CCDC85C: variants seen among roughly 807,000 people sequenced by gnomAD.
CCDC85C encodes coiled-coil domain containing 85C.
In CCDC85C, 18 loss-of-function variants were observed where a neutral mutation model predicts 38.3. That is an observed-to-expected ratio of 0.47 (90% CI 0.33 to 0.70). The LOEUF (loss-of-function observed/expected upper bound fraction) is 0.70, where lower values mean the gene tolerates loss of function less well. CCDC85C is among the 30% of genes least tolerant of loss of function. The pLI, the probability that CCDC85C is intolerant of heterozygous loss-of-function variation, is 0.03. For missense variants in CCDC85C, 566 were observed against 621.2 expected (o/e 0.91, Z 0.94); for synonymous variants, 264 against 293.8 (o/e 0.90, Z 1.04).
At position 99,535,530 on chromosome 14, in the gene CCDC85C, G is replaced by A. The variant is rs1013007646; in HGVS notation, c.867+485C>T. 8.6e-5 allele frequency among the ~76,000 whole-genome samples: 13 copies of A among 151,714 alleles called. No homozygotes were observed. Among genetic ancestry groups the A allele is most frequent in the South Asian group, 2.1e-4 (1 of 4,776 alleles). ...CCCCCCTACAGCCAACCCCTCCCAC[G>A]CCGTGCCCCTGCTGCCCAGCTCTGC... On this transcript the variant is annotated intron_variant, in intron 2 of 5. Transcript: ENST00000380243. The surrounding 1 kb of genome is among the most constrained non-coding windows in gnomAD (Gnocchi z 5.5).
At chr14:99,530,657 G>A (rs1056640066) in intron 2 of CCDC85C, among the ~76,000 whole-genome samples, 2 of 152,250 alleles carry the variant, frequency 1.3e-5, no homozygotes, top group African/African-American at 2.4e-5. Flanking sequence ...AGGGACAGCA[G>A]AGGGCACATG....
chr14:99,570,817 T>C (rs1376156173), intron 1 of CCDC85C, among the ~76,000 whole-genome samples: 2 of 152,012 alleles, frequency 1.3e-5, no homozygotes, highest in African/African-American at 4.8e-5. Context: ...GGTGGGGCAT[T>C]AGCAGAAAAG....
intron 1 of CCDC85C, among the ~76,000 whole-genome samples, chr14:99,538,446 C>T (rs1048606984): frequency 2.6e-5 from 4 of 152,256 alleles, no homozygotes; most frequent in Non-Finnish European, 5.9e-5. Context: ...ACAGCACCCC[C>T]ATGGGACTGT....
rs537831026 is a variant in CCDC85C at position 99,548,000 on chromosome 14, A to G, written c.794-11912T>C. 3.3e-5 allele frequency among the ~76,000 whole-genome samples: 5 copies of G among 152,326 alleles called. No homozygotes were observed. In the South Asian group the frequency reaches 1.0e-3, roughly 32 times the overall value. On this transcript the variant is annotated intron_variant, in intron 1 of 5. Coordinates refer to ENST00000380243, the MANE Select transcript of CCDC85C (RefSeq NM_001144995.2). ...CAAAGAGAACATTTTAAAGAAAAAT[A>G]AAAACTTGAGCTTTCAGGTAGAAAA...
At position 99,536,023 on chromosome 14, in the gene CCDC85C, G is replaced by A. The variant is rs780638519; in HGVS notation, c.859C>T (p.Leu287Phe). Residue 287 changes from leucine to phenylalanine, a missense_variant, in exon 2 of 6, where the codon CTC (leucine) becomes TTC (phenylalanine). By Grantham distance (22) the Leu-to-Phe change is conservative. Around this residue, in one of 3 missense-constraint regions of CCDC85C, gnomAD observed 286 missense variants for 276.4 expected, o/e 1.03. Coordinates refer to ENST00000380243, the MANE Select transcript of CCDC85C (RefSeq NM_001144995.2). ...KVRLLEGDKL[L>F]AQQAGSGEFR... ...ACCCGAAGCCGGCCTACCTGTGCGA[G>A]GAGCTTGTCACCCTCCAGCAGCCTC... is the stretch of plus-strand genomic sequence containing the variant. 1.5e-5 allele frequency: 24 copies of A among 1,551,348 alleles called. No homozygotes were observed. In the South Asian group the frequency reaches 2.9e-4, roughly 18 times the overall value.
chr14:99,538,448 T>C (rs1341855941), intron 1 of CCDC85C, among the ~76,000 whole-genome samples: 1 of 152,308 alleles, frequency 6.6e-6, no homozygotes, highest in East Asian at 1.9e-4. Context: ...AGCACCCCCA[T>C]GGGACTGTGC....
intron 1 of CCDC85C, among the ~76,000 whole-genome samples, chr14:99,537,625 T>C (rs1300686821): frequency 6.6e-6 from 1 of 151,908 alleles, no homozygotes; most frequent in African/African-American, 2.4e-5. Context: ...CTCCCAGGAA[T>C]GTGGGGCCTT....
chr14:99,510,852 G>A lies in CCDC85C; in HGVS notation c.*4394C>T. ...ATCGACTTGCAGAGTAGTTGAAGTG[G>A]GTAAGCAGCAGGGTACCTTGTATAA... On this transcript the variant is annotated 3_prime_UTR_variant, in exon 6 of 6. Transcript: ENST00000380243. 5 of 1,292,706 alleles carry A rather than the reference G, an allele frequency of 3.9e-6. No homozygotes were observed. Among genetic ancestry groups the A allele is most frequent in the Non-Finnish European group, 5.0e-6 (5 of 993,778 alleles). The allele number at this position is 1,292,706 out of a possible 1,614,324, so 80.1% of individuals were successfully genotyped here.
intron 1 of CCDC85C, among the ~76,000 whole-genome samples, chr14:99,577,540 A>G (rs978244995): frequency 6.6e-6 from 1 of 151,924 alleles, no homozygotes; most frequent in African/African-American, 2.4e-5. Context: ...CCTGCAGTGA[A>G]CAAGACCTGT....
At chr14:99,580,047 T>C in intron 1 of CCDC85C, 1 of 455,602 alleles carries the variant, frequency 2.2e-6, no homozygotes, top group Non-Finnish European at 4.4e-6. Flanking sequence ...TGGGCAGGGC[T>C]GGCCCCTTCC....
chr14:99,524,696 C>T (rs1016759860), intron 2 of CCDC85C, among the ~76,000 whole-genome samples: 2 of 152,238 alleles, frequency 1.3e-5, no homozygotes, highest in African/African-American at 4.8e-5. Flanking sequence ...AGACAGGTCG[C>T]TGCCTTTGCA....
chr14:99,546,968 A>G (rs1043517521), intron 1 of CCDC85C, among the ~76,000 whole-genome samples: 4 of 152,106 alleles, frequency 2.6e-5, no homozygotes, highest in Admixed American at 2.6e-4. Context: ...CAGGAGTTAG[A>G]GACCAGCCTG....
rs1180171562 is a variant in CCDC85C at position 99,535,747 on chromosome 14, A to C, written c.867+268T>G. On this transcript the variant is annotated intron_variant, in intron 2 of 5. Coordinates refer to ENST00000380243, the MANE Select transcript of CCDC85C (RefSeq NM_001144995.2). This position sits in a 1 kb window ranked among gnomAD's most constrained non-coding sequence, Gnocchi z 5.5. ...AGTGAAGCAGCCCATTTCTTCATCA[A>C]CTGGGTGTTGTCCACCCTCTCAGGC... is the stretch of plus-strand genomic sequence containing the variant. Among the ~76,000 whole-genome samples, 2 of 152,148 alleles carry C rather than the reference A, an allele frequency of 1.3e-5. No individual in the cohort carries two copies. The highest frequency in any genetic ancestry group is 1.5e-5 in the Non-Finnish European group (1 of 68,024).
Position 99,533,156 on chromosome 14 carries a change from C to CAG in CCDC85C, c.867+2857_867+2858dup, listed in dbSNP as rs1465570418. 6.6e-6 allele frequency among the ~76,000 whole-genome samples: 1 copy of CAG among 152,180 alleles called. No individual in the cohort carries two copies. ...CTCCTGGAGCCTTTGTTATGAGGTT[C>CAG]AGGGGCCTCCACTGCAGCATGGGGA... On this transcript the variant is annotated intron_variant, in intron 2 of 5. Transcript: ENST00000380243. The surrounding 1 kb of genome is among the most constrained non-coding windows in gnomAD (Gnocchi z 4.2).
rs563558623 is a variant in CCDC85C, at chr14:99,522,247, G to C, written c.868-7C>G. On this transcript the variant is annotated splice_polypyrimidine_tract_variant and splice_region_variant and intron_variant, in intron 2 of 5. Transcript: ENST00000380243. ...ACTCTCCGGAGCCTGCCTGCTGCAG[G>C]GGAGAGAAGGAGAGGGGTTAGACGG... 12 of 1,542,828 alleles carry C rather than the reference G, an allele frequency of 7.8e-6. No homozygotes were observed. In the South Asian group the frequency reaches 1.3e-4, roughly 17 times the overall value.
Position 99,535,674 on chromosome 14 carries a change from G to A in CCDC85C, c.867+341C>T, listed in dbSNP as rs368206369. 7.2e-5 allele frequency among the ~76,000 whole-genome samples: 11 copies of A among 151,958 alleles called. No homozygotes were observed. Among genetic ancestry groups the A allele is most frequent in the African/African-American group, 2.2e-4 (9 of 41,292 alleles). On this transcript the variant is annotated intron_variant, in intron 2 of 5. Transcript: ENST00000380243. This position sits in a 1 kb window ranked among gnomAD's most constrained non-coding sequence, Gnocchi z 5.5. ...GCACGGCAGAGGCGGGGAGGCTTCC[G>A]TGTGAGTCTGCCCCATCTCCTGCCT...
At chr14:99,597,656 A>G (rs541209746) in intron 1 of CCDC85C, among the ~76,000 whole-genome samples, 76 of 152,214 alleles carry the variant, frequency 5.0e-4, no homozygotes, top group African/African-American at 1.7e-3. Context: ...CCTAAGAGTT[A>G]TCTCCCCACA....
chr14:99,593,358 G>A (rs759777084), intron 1 of CCDC85C, among the ~76,000 whole-genome samples: 2 of 152,232 alleles, frequency 1.3e-5, no homozygotes, highest in Non-Finnish European at 2.9e-5. Context: ...CATAGCTGCC[G>A]TTTCGGTGCC....
rs1896795433 is a variant in CCDC85C at position 99,500,422 on chromosome 14, C to A, written c.*14824G>T. On this transcript the variant is annotated 3_prime_UTR_variant, in exon 6 of 6. Coordinates refer to ENST00000380243, the MANE Select transcript of CCDC85C (RefSeq NM_001144995.2). Reference sequence around the variant, plus strand: ...AGATTGCATTTTTAAAATTTGAGGTCTTGAAAGAAATTACAATTTAGTCAA... The same window carrying A: ...AGATTGCATTTTTAAAATTTGAGGTATTGAAAGAAATTACAATTTAGTCAA... The A allele has an allele frequency of 1.0e-5, 2 of 198,234 alleles. No individual in the cohort carries two copies. Among genetic ancestry groups the A allele is most frequent in the Admixed American group, 5.5e-5 (1 of 18,104 alleles). The allele number at this position is 198,234 out of a possible 1,614,324, so 12.3% of individuals were successfully genotyped here. A position where few individuals can be genotyped will look rare whatever the true frequency, so the allele number is the denominator to read the frequency against.
Sources: gnomAD v4.1 joint callset for allele counts (sites outside exome capture counted in the v4.1 genomes callset) on GRCh38, gnomAD v4.1.1 for gene constraint, gnomAD v4.1.1 regional missense constraint, Gnocchi (gnomAD v3.1) non-coding constraint, MANE v1.5 for transcripts, NCBI Gene and HGNC (gene_info 2026-07-23, HGNC 2026-07-21) for gene names.